The following RORA variants were observed in gnomAD, a reference collection of about 807,000 sequenced individuals.
The protein encoded by RORA is nuclear receptor ROR-alpha.
Under a neutral mutation model 69.5 loss-of-function variants are expected in RORA, and 7 were observed. That is an observed-to-expected ratio of 0.10 (90% CI 0.06 to 0.19). RORA has a LOEUF of 0.19. RORA is among the 10% of genes least tolerant of loss of function. The pLI is 1.00. For missense variants in RORA, 457 were observed against 663.0 expected (o/e 0.69, Z 3.41); for synonymous variants, 261 against 240.8 (o/e 1.08, Z -0.78).
At chr15:61,062,308 T>C (rs1595934714) in intron 1 of RORA, among the ~76,000 whole-genome samples, 2 of 152,324 alleles carry the variant, frequency 1.3e-5, no homozygotes, top group Admixed American at 1.3e-4. Flanking sequence ...TTCCCTGAGA[T>C]GCAGGTCCTG....
At chr15:60,561,564 T>C (rs1487282556) in intron 2 of RORA, among the ~76,000 whole-genome samples, 1 of 152,194 alleles carries the variant, frequency 6.6e-6, no homozygotes, top group East Asian at 1.9e-4. Context: ...AACATCTTTA[T>C]GTTAAAGCTT....
At chr15:60,630,536 C>A (rs1435833854) in intron 2 of RORA, 1 of 152,244 alleles carries the variant, frequency 6.6e-6, no homozygotes, top group Non-Finnish European at 1.5e-5. Flanking sequence ...CCTGGGACGA[C>A]CAAGCACATG....
intron 5 of RORA, chr15:60,510,394 A>T (rs910159477): frequency 2.0e-5 from 3 of 152,234 alleles, no homozygotes; most frequent in Non-Finnish European, 4.4e-5. Flanking sequence ...TGTCTGTGTT[A>T]TCAACATTTC....
chr15:60,502,664 A>G (rs1343727209), intron 8 of RORA, 96 bp downstream of exon 8: 4 of 823,064 alleles, frequency 4.9e-6, no homozygotes, highest in Non-Finnish European at 6.1e-6. Flanking sequence ...TTGTTTCTAA[A>G]TAAAGTTTTC....
At chr15:60,638,898 C>T (rs149733471) in intron 2 of RORA, among the ~76,000 whole-genome samples, 2 of 152,226 alleles carry the variant, frequency 1.3e-5, no homozygotes, top group African/African-American at 4.8e-5. Context: ...CTTTAATGGT[C>T]TCTACTTTCC....
chr15:60,634,802 C>G (rs1207535504), intron 2 of RORA, among the ~76,000 whole-genome samples: 1 of 152,158 alleles, frequency 6.6e-6, no homozygotes, highest in African/African-American at 2.4e-5. Context: ...TTTCATTTCT[C>G]TCTCTTTGTC....
At chr15:61,208,399 G>T (rs1321694329) in intron 1 of RORA, among the ~76,000 whole-genome samples, 4 of 152,148 alleles carry the variant, frequency 2.6e-5, no homozygotes, top group African/African-American at 9.7e-5. Context: ...TTAGACTAGG[G>T]CTAGGAAGGA....
At chr15:60,665,378 G>A (rs1361705590) in intron 2 of RORA, among the ~76,000 whole-genome samples, 7 of 152,128 alleles carry the variant, frequency 4.6e-5, no homozygotes, top group Non-Finnish European at 1.0e-4. Flanking sequence ...CTATAGATTC[G>A]ATCATCTGAT....
intron 1 of RORA, among the ~76,000 whole-genome samples, chr15:61,222,010 A>G (rs938681050): frequency 1.4e-4 from 21 of 152,282 alleles, no homozygotes; most frequent in African/African-American, 5.1e-4. Flanking sequence ...AAAACACCCA[A>G]TAACATTGTT....
At chr15:61,089,780 C>G (rs559592248) in intron 1 of RORA, among the ~76,000 whole-genome samples, 2 of 152,248 alleles carry the variant, frequency 1.3e-5, no homozygotes, top group East Asian at 3.9e-4. Context: ...GATTGGTTTC[C>G]TGAGTTCCTC....
chr15:61,220,420 G>A (rs1177740082), intron 1 of RORA, among the ~76,000 whole-genome samples: 3 of 152,148 alleles, frequency 2.0e-5, no homozygotes, highest in Admixed American at 6.6e-5. Flanking sequence ...TATTTAAGAG[G>A]TTTTAGACTT....
At chr15:60,701,318 C>T (rs1465077241) in intron 1 of RORA, among the ~76,000 whole-genome samples, 1 of 152,106 alleles carries the variant, frequency 6.6e-6, no homozygotes, top group Non-Finnish European at 1.5e-5. Context: ...TATGCAAACA[C>T]CTTAGCTTCC....
At chr15:60,709,100 T>A (rs936803501) in intron 1 of RORA, among the ~76,000 whole-genome samples, 1 of 152,188 alleles carries the variant, frequency 6.6e-6, no homozygotes, top group Admixed American at 6.5e-5. Flanking sequence ...CCTCCAGGCC[T>A]ACACATCCCA....
rs544539003 is a variant in RORA at position 60,525,590 on chromosome 15, G to A, written c.282+6176C>T. Among the ~76,000 whole-genome samples the A allele has an allele frequency of 4.6e-5, 7 of 152,278 alleles. No homozygotes were observed. In the South Asian group the frequency reaches 6.2e-4, roughly 14 times the overall value. ...ATTCTAATGGCAGACGCTTTGGAAC[G>A]GCTACACACTTGCTTTTGACAACCA... On this transcript the variant is annotated intron_variant, in intron 3 of 10. Coordinates refer to ENST00000335670, the MANE Select transcript of RORA (RefSeq NM_134261.3).
chr15:61,080,825 G>A (rs575528314), intron 1 of RORA, among the ~76,000 whole-genome samples: 15 of 152,248 alleles, frequency 9.9e-5, no homozygotes, highest in Admixed American at 6.5e-4. Context: ...AATTCAGGTC[G>A]GCCCAATCAT....
intron 1 of RORA, among the ~76,000 whole-genome samples, chr15:60,951,474 C>T (rs1279846538): frequency 6.6e-6 from 1 of 151,280 alleles, no homozygotes; most frequent in East Asian, 1.9e-4. Context: ...ACACAAAAAA[C>T]CCTTCAAAAA....
intron 1 of RORA, among the ~76,000 whole-genome samples, chr15:60,942,288 C>A (rs1196096958): frequency 6.6e-6 from 1 of 152,190 alleles, no homozygotes; most frequent in Non-Finnish European, 1.5e-5. Context: ...CCAAGGCTGC[C>A]TCGCCTGTAA....
Position 60,705,749 on chromosome 15 carries a change from T to C in RORA, c.167-27063A>G, listed in dbSNP as rs890453815. 2.0e-5 allele frequency among the ~76,000 whole-genome samples: 3 copies of C among 152,200 alleles called. No individual in the cohort carries two copies. The East Asian group carries it at 5.8e-4, about 29-fold the overall frequency. ...ATTTTTTAAAATATATATTCTGTTCTATAGACTGTAAGAATTAGGAAAACT... is the reference window on the plus strand; with the variant it reads ...ATTTTTTAAAATATATATTCTGTTCCATAGACTGTAAGAATTAGGAAAACT... On this transcript the variant is annotated intron_variant, in intron 1 of 10. Coordinates refer to ENST00000335670, the MANE Select transcript of RORA (RefSeq NM_134261.3).
At chr15:60,926,009 C>G (rs1448816751) in intron 1 of RORA, among the ~76,000 whole-genome samples, 1 of 152,044 alleles carries the variant, frequency 6.6e-6, no homozygotes, top group African/African-American at 2.4e-5. Flanking sequence ...TTGGAGGCAC[C>G]CCTGAAGGTG....
Sources: allele counts gnomAD v4.1 joint callset (sites outside exome capture counted in the v4.1 genomes callset), GRCh38; gene constraint gnomAD v4.1.1; transcripts MANE v1.5; gene names NCBI Gene and HGNC (gene_info 2026-07-23, HGNC 2026-07-21).